Variants in CUL3 observed in about 807,000 individuals in gnomAD.
CUL3 encodes the protein cullin 3, also known as cullin-3.
CUL3 carries 19 observed loss-of-function variants against 89.1 expected under a neutral mutation model. That is an observed-to-expected ratio of 0.21 (90% confidence interval 0.15 to 0.31). The LOEUF is 0.31. CUL3 is among the 10% of genes least tolerant of loss of function. The pLI is 1.00. For missense variants in CUL3, 469 were observed against 942.3 expected, an observed-to-expected ratio of 0.50 and a Z score of 6.58; for synonymous variants, 351 against 308.4, an observed-to-expected ratio of 1.14 and a Z score of -1.45.
chr2:224,574,073 C>A (rs1158127042), intron 1 of CUL3, among the ~76,000 whole-genome samples: 1 of 152,176 alleles, frequency 6.6e-6, no homozygotes, highest in Admixed American at 6.5e-5. Flanking sequence ...GAATGACTTA[C>A]AAACACATAT....
chr2:224,570,595 G>A (rs951999226), intron 1 of CUL3, among the ~76,000 whole-genome samples: 4 of 152,064 alleles, frequency 2.6e-5, no homozygotes, highest in Non-Finnish European at 5.9e-5. Context: ...TTACAGTGGA[G>A]AACAGATGGG....
At chr2:224,491,493 CA>C (rs1217943767) in intron 13 of CUL3, among the ~76,000 whole-genome samples, 1 of 152,176 alleles carries the variant, frequency 6.6e-6, no homozygotes, top group East Asian at 1.9e-4. Context: ...GCCAAATTGA[CA>C]ATCATATTAT....
rs1314401236 is a variant in CUL3, at chr2:224,470,541, T to C, written c.*3704A>G. On this transcript the variant is annotated 3_prime_UTR_variant, in exon 16 of 16. Transcript: ENST00000264414. The stretch of plus-strand genomic sequence containing the variant: ...CTTCTTCCTTCTGGCTAATTTGACA[T>C]AGGAAAGGCACACAAAGGAAAACAT... 4.3e-6 allele frequency: 1 copy of C among 231,816 alleles called. No individual in the cohort carries two copies. Among genetic ancestry groups the C allele is most frequent in the East Asian group, 6.1e-5 (1 of 16,282 alleles). The allele number at this position is 231,816 out of a possible 1,614,324, so 14.4% of individuals were successfully genotyped here.
intron 1 of CUL3, among the ~76,000 whole-genome samples, chr2:224,572,630 GAAAAAAA>G (rs67105454): frequency 1.2e-5 from 1 of 86,296 alleles, no homozygotes; most frequent in African/African-American, 4.4e-5. Context: ...GAGAGTGAGA[GAAAAAAA>G]AAAAAAAAAA....
chr2:224,517,868 T>C (rs1693123327), intron 3 of CUL3, among the ~76,000 whole-genome samples: 1 of 152,194 alleles, frequency 6.6e-6, no homozygotes, highest in Non-Finnish European at 1.5e-5. Flanking sequence ...TATGTAGCCA[T>C]TTGCTTTTAT....
At chr2:224,492,540 C>G (rs1692026518) in intron 13 of CUL3, among the ~76,000 whole-genome samples, 1 of 152,114 alleles carries the variant, frequency 6.6e-6, no homozygotes, top group South Asian at 2.1e-4. Flanking sequence ...CTTTCAAAAA[C>G]CCACTGCTAA....
At chr2:224,531,939 ATGAAGG>A (rs1693710025) in intron 3 of CUL3, among the ~76,000 whole-genome samples, 5 of 152,174 alleles carry the variant, frequency 3.3e-5, no homozygotes, top group Admixed American at 3.3e-4. Flanking sequence ...CAAGAGAGAA[ATGAAGG>A]TGGTTTGATG....
At chr2:224,579,078 T>C (rs1559246264) in intron 1 of CUL3, among the ~76,000 whole-genome samples, 4 of 152,210 alleles carry the variant, frequency 2.6e-5, no homozygotes. Flanking sequence ...ATATTGGTAC[T>C]AATAATTTTC....
chr2:224,521,562 C>G (rs1693264111), intron 3 of CUL3, among the ~76,000 whole-genome samples: 1 of 152,014 alleles, frequency 6.6e-6, no homozygotes, highest in African/African-American at 2.4e-5. Context: ...CCGCTAGTAG[C>G]TGGGATTACA....
In CUL3 at chr2:224,481,878, A is replaced by G. The variant is rs201363693; in HGVS notation, c.2029+14T>C. On this transcript the variant is annotated intron_variant, in intron 14 of 15. Transcript: ENST00000264414. ...TATATAATTTTTTGAGAGGAAAAAT[A>G]TAATTCCAGATACCTGTTTGAATCT... 3.2e-4 allele frequency: 460 copies of G among 1,438,200 alleles called. No homozygotes were observed. The African/African-American group carries it at 5.1e-3, about 16-fold the overall frequency. 89.1% of individuals were successfully genotyped at this position (1,438,200 alleles called of 1,614,324 possible).
intron 1 of CUL3, among the ~76,000 whole-genome samples, chr2:224,583,881 T>C (rs1695503046): frequency 6.6e-6 from 1 of 152,234 alleles, no homozygotes; most frequent in Non-Finnish European, 1.5e-5. Context: ...CGCTGGTACA[T>C]CATATGAAGT....
Position 224,500,480 on chromosome 2 carries a change from A to G in CUL3, c.1493T>C (p.Leu498Ser). 6.2e-7 allele frequency: 1 copy of G among 1,613,950 alleles called. No homozygotes were observed. Among genetic ancestry groups the G allele is most frequent in the East Asian group, 2.2e-5 (1 of 44,870 alleles). Residue 498 changes from leucine (L) to serine (S), a missense_variant, in exon 11 of 16, where the codon TTA (leucine) becomes TCA (serine). Coordinates refer to ENST00000264414, the MANE Select transcript of CUL3 (RefSeq NM_003590.5). ...CCGGACTGTAAGATCAACACCACCT[A>G]AAGATACCTATGTAAAACAGAAAGA... ...RQHLQATGVS[L>S]GGVDLTVRVL...
intron 15 of CUL3, chr2:224,474,617 G>C: frequency 2.4e-6 from 1 of 417,848 alleles, no homozygotes; most frequent in South Asian, 3.4e-5. Flanking sequence ...GAATTAGTTG[G>C]AATTACAGTA....
chr2:224,496,589 T>C (rs1260990495), intron 12 of CUL3, among the ~76,000 whole-genome samples: 9 of 152,082 alleles, frequency 5.9e-5, no homozygotes, highest in African/African-American at 9.7e-5. Context: ...ATAATAATAA[T>C]AGACTTACAA....
chr2:224,502,062 G>A, intron 10 of CUL3, among the ~76,000 whole-genome samples: 1 of 152,114 alleles, frequency 6.6e-6, no homozygotes, highest in South Asian at 2.1e-4. Context: ...TGTAAACACT[G>A]ATATTTATAA....
chr2:224,497,743 C>A lies in CUL3; in HGVS notation c.1707+10G>T. 1 of 1,593,856 alleles carries A rather than the reference C, an allele frequency of 6.3e-7. No homozygotes were observed. The highest frequency in any genetic ancestry group is 1.1e-5 in the South Asian group (1 of 90,522). ...AAGTTACTTAATACGTTCAAACTAT[C>A]AATATTTACCTTTTTAACTGGTCCA... On this transcript the variant is annotated intron_variant, in intron 12 of 15. Coordinates refer to ENST00000264414, the MANE Select transcript of CUL3 (RefSeq NM_003590.5).
intron 1 of CUL3, among the ~76,000 whole-genome samples, chr2:224,571,554 T>C (rs1695180976): frequency 6.6e-6 from 1 of 152,178 alleles, no homozygotes; most frequent in Non-Finnish European, 1.5e-5. Flanking sequence ...ATTCTAACTG[T>C]AATCAAATAA....
rs558974285 is a variant in CUL3, at chr2:224,585,316, C to T, written c.-307G>A. On this transcript the variant is annotated 5_prime_UTR_variant, in exon 1 of 16. Coordinates refer to ENST00000264414, the MANE Select transcript of CUL3 (RefSeq NM_003590.5). ...TCGCGCTCCTCCGCGATGGCGGCGG[C>T]GGCGGCGACGGACAAACATCTCACT... is the stretch of plus-strand genomic sequence containing the variant. 3 of 402,120 alleles carry T rather than the reference C, an allele frequency of 7.5e-6. No homozygotes were observed. The highest frequency in any genetic ancestry group is 6.2e-5 in the African/African-American group (3 of 48,626). The allele number at this position is 402,120 out of a possible 1,614,324, so 24.9% of individuals were successfully genotyped here. A position where few individuals can be genotyped will look rare whatever the true frequency, so the allele number is the denominator to read the frequency against.
intron 3 of CUL3, among the ~76,000 whole-genome samples, chr2:224,518,219 C>A (rs1260157265): frequency 2.0e-5 from 3 of 152,082 alleles, no homozygotes. Context: ...ATATAATTAT[C>A]CTGTAATATG....
Sources: allele counts gnomAD v4.1 joint callset (sites outside exome capture counted in the v4.1 genomes callset), GRCh38; gene constraint gnomAD v4.1.1; transcripts MANE v1.5; gene names NCBI Gene and HGNC (gene_info 2026-07-23, HGNC 2026-07-21).